DNAH11: variants seen among roughly 807,000 people sequenced by gnomAD.
DNAH11 encodes dynein axonemal heavy chain 11.
A neutral mutation model predicts 526.0 loss-of-function variants in DNAH11; 442 were observed. That is an observed-to-expected ratio of 0.84 (90% CI 0.78 to 0.91). The LOEUF (loss-of-function observed/expected upper bound fraction) is 0.91, where lower values mean the gene tolerates loss of function less well. Among genes scored for constraint, DNAH11 ranks in the 40% least tolerant of loss-of-function variants. The pLI is 0.00. For missense variants in DNAH11, 6,989 were observed against 5,448.7 expected, an observed-to-expected ratio of 1.28 and a Z score of -8.90; for synonymous variants, 2,461 against 1,935.9, an observed-to-expected ratio of 1.27 and a Z score of -7.12.
rs746109734 is a variant in DNAH11, at chr7:21,900,130, C to A, written c.13303+10C>A. 11 of 1,602,928 alleles carry A rather than the reference C, an allele frequency of 6.9e-6. No homozygotes were observed. The highest frequency in any genetic ancestry group is 1.3e-5 in the African/African-American group (1 of 74,424). On this transcript the variant is annotated intron_variant, in intron 81 of 81. Coordinates refer to ENST00000409508, the MANE Select transcript of DNAH11 (RefSeq NM_001277115.2). ...GGACTCTTCATGGAGGGTAAGACAC[C>A]CCAAGGGGTAAGTGGGGAACCTTTT...
At chr7:21,775,431 A>G (rs956749636) in intron 56 of DNAH11, among the ~76,000 whole-genome samples, 1 of 152,080 alleles carries the variant, frequency 6.6e-6, no homozygotes, top group Non-Finnish European at 1.5e-5. Context: ...AGCCTGGACA[A>G]CAAAATGAGA....
At chr7:21,630,190 TGAA>T (rs1786537554) in intron 25 of DNAH11, among the ~76,000 whole-genome samples, 1 of 151,796 alleles carries the variant, frequency 6.6e-6, no homozygotes, top group Non-Finnish European at 1.5e-5. Flanking sequence ...AAAGAAAAAA[TGAA>T]GAAGAAACTC....
Position 21,881,124 on chromosome 7 carries a change from T to TA in DNAH11, c.12387+240dup, listed in dbSNP as rs34933143. 0.08 allele frequency among the ~76,000 whole-genome samples: 12,144 copies of TA among 150,880 alleles called. 546 individuals carry two copies. The highest frequency in any genetic ancestry group is 0.11 in the Middle Eastern group (31 of 292). ...CCAGTTCTACATCAGCAGCTTAGTG[T>TA]AAAAAAAAACAAAAAATGTCCTTCA... On this transcript the variant is annotated intron_variant, in intron 75 of 81. Coordinates refer to ENST00000409508, the MANE Select transcript of DNAH11 (RefSeq NM_001277115.2).
Position 21,719,025 on chromosome 7 carries a change from G to A in DNAH11, c.7134+1100G>A, listed in dbSNP as rs1010143821. Among the ~76,000 whole-genome samples the A allele has an allele frequency of 4.6e-5, 7 of 152,200 alleles. No individual in the cohort carries two copies. The East Asian group carries it at 5.8e-4, about 13-fold the overall frequency. ...GTAATACTTGCAAAAAAGCATTATC[G>A]TGTTCTTTCTCAAGTTCACTTGTGT... On this transcript the variant is annotated intron_variant, in intron 43 of 81. Coordinates refer to ENST00000409508, the MANE Select transcript of DNAH11 (RefSeq NM_001277115.2).
At chr7:21,603,751 T>C (rs954790287) in intron 18 of DNAH11, among the ~76,000 whole-genome samples, 1 of 152,222 alleles carries the variant, frequency 6.6e-6, no homozygotes, top group Non-Finnish European at 1.5e-5. Context: ...AAATAGTTCT[T>C]GTTTCTAGGA....
chr7:21,673,681 C>T (rs1415057670), intron 30 of DNAH11, among the ~76,000 whole-genome samples: 7 of 152,150 alleles, frequency 4.6e-5, no homozygotes, highest in Non-Finnish European at 1.0e-4. Flanking sequence ...CCAACTCCCT[C>T]ATTACTCAAA....
At chr7:21,723,967 A>G (rs1784979121) in intron 44 of DNAH11, among the ~76,000 whole-genome samples, 1 of 152,222 alleles carries the variant, frequency 6.6e-6, no homozygotes, top group African/African-American at 2.4e-5. Context: ...CCTCAGCTGG[A>G]CGACACATCT....
intron 23 of DNAH11, among the ~76,000 whole-genome samples, chr7:21,618,685 A>C (rs755680536): frequency 9.9e-5 from 15 of 152,216 alleles, no homozygotes; most frequent in Non-Finnish European, 1.6e-4. Flanking sequence ...TCACAGAAGC[A>C]GCTGGGAATT....
intron 61 of DNAH11, among the ~76,000 whole-genome samples, chr7:21,790,480 A>G (rs1009432268): frequency 1.3e-5 from 2 of 152,206 alleles, no homozygotes; most frequent in Non-Finnish European, 2.9e-5. Context: ...AATATTTTCA[A>G]TGAATATTGT....
intron 9 of DNAH11, among the ~76,000 whole-genome samples, chr7:21,582,996 A>G (rs1008068889): frequency 6.6e-6 from 1 of 152,208 alleles, no homozygotes. Context: ...ATTATCATGA[A>G]AATGGCCATA....
intron 44 of DNAH11, among the ~76,000 whole-genome samples, chr7:21,723,262 A>G (rs866408311): frequency 1.3e-5 from 2 of 152,194 alleles, no homozygotes; most frequent in Non-Finnish European, 1.5e-5. Context: ...ATAAAACTCT[A>G]TATGGATTGG....
At chr7:21,842,328 C>T (rs758384464) in intron 65 of DNAH11, among the ~76,000 whole-genome samples, 1 of 152,114 alleles carries the variant, frequency 6.6e-6, no homozygotes, top group Non-Finnish European at 1.5e-5. Flanking sequence ...CTATTATTGT[C>T]AATATTTCAC....
Position 21,866,735 on chromosome 7 carries a change from G to A in DNAH11, c.11690+72G>A, listed in dbSNP as rs1003116376. The A allele has an allele frequency of 6.9e-6, 10 of 1,450,018 alleles. No individual in the cohort carries two copies. The African/African-American group carries it at 1.4e-4, about 21-fold the overall frequency. The allele number at this position is 1,450,018 out of a possible 1,614,324, so 89.8% of individuals were successfully genotyped here. ...GAAATGTAGTCTGAAGAGTTAGGAGGATCTGGTGGAAGTGTTTACCATCCA... is the reference window on the plus strand; with the variant it reads ...GAAATGTAGTCTGAAGAGTTAGGAGAATCTGGTGGAAGTGTTTACCATCCA... On this transcript the variant is annotated intron_variant, in intron 71 of 81. Coordinates refer to ENST00000409508, the MANE Select transcript of DNAH11 (RefSeq NM_001277115.2).
In DNAH11 at chr7:21,854,381, G is replaced by A. The variant is rs1782752297; in HGVS notation, c.11128G>A (p.Ala3710Thr). 3 of 1,613,744 alleles carry A rather than the reference G, an allele frequency of 1.9e-6. No homozygotes were observed. Among genetic ancestry groups the A allele is most frequent in the Non-Finnish European group, 2.5e-6 (3 of 1,179,782 alleles). The change falls in exon 68 of 82, where the codon GCA (alanine) becomes ACA (threonine). Residue 3710 changes from alanine (A) to threonine (T), a missense_variant. Coordinates refer to ENST00000409508, the MANE Select transcript of DNAH11 (RefSeq NM_001277115.2). The part of the protein sequence containing the change: ...EARECYRPVA[A>T]RASLLYFVIN... ...CCGAGAATGTTACAGACCAGTGGCA[G>A]CAAGAGCATCTCTTCTTTATTTTGT...
intron 63 of DNAH11, among the ~76,000 whole-genome samples, chr7:21,808,532 C>G (rs575690918): frequency 1.3e-5 from 2 of 152,162 alleles, no homozygotes; most frequent in African/African-American, 4.8e-5. Context: ...CTCTGCATCC[C>G]CTCTCCTCCA....
At chr7:21,804,299 C>T (rs763203079) in intron 62 of DNAH11, among the ~76,000 whole-genome samples, 45 of 152,054 alleles carry the variant, frequency 3.0e-4, no homozygotes, top group Non-Finnish European at 5.4e-4. Flanking sequence ...TTATTAGAGA[C>T]GGGGTTTCAC....
chr7:21,685,735 A>T (rs1024184551), intron 32 of DNAH11, among the ~76,000 whole-genome samples: 2 of 152,224 alleles, frequency 1.3e-5, no homozygotes, highest in Non-Finnish European at 2.9e-5. Context: ...AGAAGTGGGT[A>T]TCTCACTGTC....
intron 63 of DNAH11, among the ~76,000 whole-genome samples, chr7:21,813,359 A>G (rs1242919235): frequency 6.6e-6 from 1 of 152,218 alleles, no homozygotes; most frequent in Non-Finnish European, 1.5e-5. Flanking sequence ...CACTAATGCT[A>G]AGCCTCTGTG....
intron 35 of DNAH11, among the ~76,000 whole-genome samples, chr7:21,691,886 A>G (rs927453484): frequency 2.0e-5 from 3 of 152,156 alleles, no homozygotes; most frequent in Non-Finnish European, 2.9e-5. Context: ...TTCTATTCAC[A>G]TGAAAAATTA....
Sources: gnomAD v4.1 joint callset for allele counts (sites outside exome capture counted in the v4.1 genomes callset) on GRCh38, gnomAD v4.1.1 for gene constraint, MANE v1.5 for transcripts, NCBI Gene and HGNC (gene_info 2026-07-23, HGNC 2026-07-21) for gene names.